Variants in ASIC2 observed in about 807,000 individuals in gnomAD.
ASIC2 encodes the protein acid sensing ion channel subunit 2.
In ASIC2, 25 loss-of-function variants were observed where a neutral mutation model predicts 57.3. The ratio of observed to expected loss-of-function variants is 0.44; its 90% CI spans 0.32 to 0.61. ASIC2 has a LOEUF of 0.61. Ranked by LOEUF, ASIC2 falls within the 20% of genes least tolerant of loss-of-function variation. The pLI, the probability that ASIC2 is intolerant of heterozygous loss-of-function variation, is 0.06. For synonymous variants in ASIC2, 319 were observed against 307.5 expected (o/e 1.04, Z -0.39); for missense variants, 641 against 738.1 (o/e 0.87, Z 1.52).
At chr17:33,102,822 C>T (rs759902885) in intron 2 of ASIC2, among the ~76,000 whole-genome samples, 16 of 152,144 alleles carry the variant, frequency 1.1e-4, no homozygotes, top group South Asian at 2.1e-4. Flanking sequence ...CTCGCTCTGT[C>T]GCCCAGGCTG....
intron 1 of ASIC2, among the ~76,000 whole-genome samples, chr17:33,406,664 A>C (rs565363373): frequency 2.7e-4 from 41 of 152,248 alleles, no homozygotes; most frequent in Non-Finnish European, 4.7e-4. Context: ...AACATTTAGA[A>C]CAGTGGCCAG....
At position 33,933,184 on chromosome 17, in the gene ASIC2, C is replaced by G. The variant is rs186021764; in HGVS notation, c.555+222794G>C. Among the ~76,000 whole-genome samples, 1,255 of 152,302 alleles carry G rather than the reference C, an allele frequency of 8.2e-3. 22 individuals carry two copies. Among genetic ancestry groups the G allele is most frequent in the African/African-American group, 0.028 (1,166 of 41,560 alleles). On this transcript the variant is annotated intron_variant, in intron 1 of 9. Coordinates refer to the ASIC2 transcript ENST00000359872. ...TGCTGTTACTTCTGCCTAAAACACTCTCCCCTGGACAGTTGCATGCTTAGA... is the reference window on the plus strand; with the variant it reads ...TGCTGTTACTTCTGCCTAAAACACTGTCCCCTGGACAGTTGCATGCTTAGA...
At chr17:33,477,677 T>TCCCTG (rs1913274100) in intron 1 of ASIC2, among the ~76,000 whole-genome samples, 1 of 152,154 alleles carries the variant, frequency 6.6e-6, no homozygotes, top group South Asian at 2.1e-4. Context: ...CATGACCACG[T>TCCCTG]CCCTGCCCTC....
intron 1 of ASIC2, among the ~76,000 whole-genome samples, chr17:33,335,574 G>A (rs963511781): frequency 1.3e-5 from 2 of 148,662 alleles, no homozygotes; most frequent in Non-Finnish European, 3.0e-5. Flanking sequence ...AGGTAGAAGG[G>A]TGAGTCAATA....
chr17:33,038,785 T>A (rs1220784579), intron 3 of ASIC2, among the ~76,000 whole-genome samples: 3 of 152,156 alleles, frequency 2.0e-5, no homozygotes. Flanking sequence ...CCTGGGGACA[T>A]CCTTATGTTG....
chr17:33,698,271 T>A (rs1908590712), intron 1 of ASIC2, among the ~76,000 whole-genome samples: 1 of 152,226 alleles, frequency 6.6e-6, no homozygotes, highest in African/African-American at 2.4e-5. Context: ...ATCCCAGTTC[T>A]ACTTCATATG....
intron 1 of ASIC2, among the ~76,000 whole-genome samples, chr17:33,366,576 TTTCTTA>T (rs1210949975): frequency 1.1e-4 from 17 of 152,254 alleles, no homozygotes; most frequent in Non-Finnish European, 1.9e-4. Flanking sequence ...TCAAGGATCC[TTTCTTA>T]TCCTCCCATG....
At chr17:33,947,106 A>G (rs1230822149) in intron 1 of ASIC2, among the ~76,000 whole-genome samples, 1 of 151,402 alleles carries the variant, frequency 6.6e-6, no homozygotes, top group African/African-American at 2.4e-5. Flanking sequence ...TAGATTGTAA[A>G]GCAATTCACA....
At chr17:33,214,381 G>C (rs968741819) in intron 1 of ASIC2, among the ~76,000 whole-genome samples, 3 of 152,202 alleles carry the variant, frequency 2.0e-5, no homozygotes, top group African/African-American at 7.2e-5. Flanking sequence ...AGCCTCCTGG[G>C]CTGACTTCTA....
At position 34,082,708 on chromosome 17, in the gene ASIC2, C is replaced by A. The variant is rs1210483042; in HGVS notation, c.555+73270G>T. Reference sequence around the variant, plus strand: ...TAGACCCTGTGCTAGGTACTTCATGCATTACCTTACTAAATCCTTTTGCAC... The same window carrying A: ...TAGACCCTGTGCTAGGTACTTCATGAATTACCTTACTAAATCCTTTTGCAC... On this transcript the variant is annotated intron_variant, in intron 1 of 9. Transcript: ENST00000359872. 2.0e-5 allele frequency among the ~76,000 whole-genome samples: 3 copies of A among 152,374 alleles called. No individual in the cohort carries two copies. In the East Asian group the frequency reaches 5.8e-4, roughly 29 times the overall value.
chr17:34,046,678 A>C (rs1597992117), intron 1 of ASIC2, among the ~76,000 whole-genome samples: 2 of 152,232 alleles, frequency 1.3e-5, no homozygotes, highest in East Asian at 3.8e-4. Context: ...CATGGAAACG[A>C]ATGGCTTTGT....
intron 1 of ASIC2, among the ~76,000 whole-genome samples, chr17:33,193,408 A>T (rs946248689): frequency 2.0e-5 from 3 of 152,124 alleles, no homozygotes; most frequent in African/African-American, 7.2e-5. Flanking sequence ...CAGAGTCTAT[A>T]TATAGCGCTC....
At chr17:33,186,340 A>G (rs942692622) in intron 1 of ASIC2, among the ~76,000 whole-genome samples, 3 of 152,074 alleles carry the variant, frequency 2.0e-5, no homozygotes, top group Admixed American at 6.6e-5. Flanking sequence ...CGAATTCTTG[A>G]CCTCAAATGA....
chr17:33,829,217 G>A (rs1388739412), intron 1 of ASIC2, among the ~76,000 whole-genome samples: 2 of 152,200 alleles, frequency 1.3e-5, no homozygotes, highest in African/African-American at 2.4e-5. Flanking sequence ...ACCCTTAGTC[G>A]TGGAACAGAA....
intron 1 of ASIC2, among the ~76,000 whole-genome samples, chr17:33,989,215 G>A (rs1905925597): frequency 6.6e-6 from 1 of 152,016 alleles, no homozygotes; most frequent in South Asian, 2.1e-4. Flanking sequence ...CAAGAGCTGG[G>A]GAAGGTTTTT....
At chr17:33,102,814 C>T (rs547051599) in intron 2 of ASIC2, among the ~76,000 whole-genome samples, 22 of 152,266 alleles carry the variant, frequency 1.4e-4, no homozygotes, top group South Asian at 6.2e-4. Flanking sequence ...GATGGAGTCT[C>T]GCTCTGTCGC....
At position 33,967,648 on chromosome 17, in the gene ASIC2, C is replaced by A. The variant is rs906143000; in HGVS notation, c.555+188330G>T. ...TTGCCATTGGAGACACCATGAAATT[C>A]CATCTTAATCTATTTCTCCCTCTAA... On this transcript the variant is annotated intron_variant, in intron 1 of 9. Coordinates refer to the ASIC2 transcript ENST00000359872. Among the ~76,000 whole-genome samples, 16 of 152,302 alleles carry A rather than the reference C, an allele frequency of 1.1e-4. No homozygotes were observed. In the South Asian group the frequency reaches 1.7e-3, roughly 16 times the overall value.
At chr17:33,878,120 T>G (rs999833811) in intron 1 of ASIC2, among the ~76,000 whole-genome samples, 1 of 151,914 alleles carries the variant, frequency 6.6e-6, no homozygotes, top group Non-Finnish European at 1.5e-5. Flanking sequence ...GTCACCATCA[T>G]CAAAGACCAA....
At chr17:33,216,204 T>C (rs909194805) in intron 1 of ASIC2, among the ~76,000 whole-genome samples, 1 of 152,242 alleles carries the variant, frequency 6.6e-6, no homozygotes, top group African/African-American at 2.4e-5. Context: ...TCAGTTTCTC[T>C]GTCCTCAGCT....
Sources: allele counts gnomAD v4.1 joint callset (sites outside exome capture counted in the v4.1 genomes callset), GRCh38; gene constraint gnomAD v4.1.1; transcripts MANE v1.5; gene names NCBI Gene and HGNC (gene_info 2026-07-23, HGNC 2026-07-21).